RNF19A: variants seen among roughly 807,000 people sequenced by gnomAD.
RNF19A encodes E3 ubiquitin-protein ligase RNF19A.
In RNF19A, 32 loss-of-function variants were observed where a neutral mutation model predicts 75.7. The ratio of observed to expected loss-of-function variants is 0.42; its 90% CI spans 0.32 to 0.57. The LOEUF (loss-of-function observed/expected upper bound fraction) is 0.57, where lower values mean the gene tolerates loss of function less well. Among genes scored for constraint, RNF19A ranks in the 20% least tolerant of loss-of-function variants. The pLI is 0.10. For missense variants in RNF19A, 782 were observed against 1,036.3 expected, an observed-to-expected ratio of 0.75 and a Z score of 3.37; for synonymous variants, 335 against 345.2, an observed-to-expected ratio of 0.97 and a Z score of 0.33.
At chr8:100,299,274 T>C (rs1483707935) in intron 1 of RNF19A, among the ~76,000 whole-genome samples, 6 of 152,234 alleles carry the variant, frequency 3.9e-5, no homozygotes, top group Non-Finnish European at 7.3e-5. Context: ...AGTTTTAATA[T>C]ACAGAATACT....
At chr8:100,282,238 C>G (rs1486306716) in intron 2 of RNF19A, among the ~76,000 whole-genome samples, 1 of 152,134 alleles carries the variant, frequency 6.6e-6, no homozygotes, top group African/African-American at 2.4e-5. Flanking sequence ...TTTTTATTGA[C>G]TCATTAAAAC....
rs576880414 is a variant in RNF19A at position 100,285,802 on chromosome 8, A to AT, written c.674+1698dup. On this transcript the variant is annotated intron_variant, in intron 2 of 9. Transcript: ENST00000341084. ...AATGAGCCACCACGCCCAGTTGTAG[A>AT]TTTTTTTTAAGCTATTAAAAATTTA... Among the ~76,000 whole-genome samples, 192 of 151,820 alleles carry AT rather than the reference A, an allele frequency of 1.3e-3. 1 individual carries two copies. Among genetic ancestry groups the AT allele is most frequent in the African/African-American group, 4.3e-3 (176 of 41,370 alleles).
chr8:100,309,347 G>A, intron 1 of RNF19A: 1 of 985,802 alleles, frequency 1.0e-6, no homozygotes, highest in Non-Finnish European at 1.2e-6. Flanking sequence ...AGCACGGCTT[G>A]CGGGGCGATG....
chr8:100,266,275 T>C (rs1290877040), intron 5 of RNF19A, among the ~76,000 whole-genome samples: 2 of 152,212 alleles, frequency 1.3e-5, no homozygotes, highest in East Asian at 3.8e-4. Context: ...GGAAAACTAA[T>C]TCATTCATTT....
intron 1 of RNF19A, among the ~76,000 whole-genome samples, chr8:100,296,040 A>G (rs941571775): frequency 6.0e-4 from 90 of 150,232 alleles, no homozygotes; most frequent in African/African-American, 2.2e-3. Context: ...ATTCCCCAAC[A>G]TAACTACCAA....
intron 1 of RNF19A, among the ~76,000 whole-genome samples, chr8:100,297,399 C>T (rs1165014575): frequency 6.6e-6 from 1 of 152,184 alleles, no homozygotes. Context: ...GGGGAAAATA[C>T]TATTGTGGCA....
rs760533296 is a variant in RNF19A, at chr8:100,329,763, AAAG to A, written c.-243+6342_-243+6344del. 1.3e-5 allele frequency among the ~76,000 whole-genome samples: 2 copies of A among 152,248 alleles called. No individual in the cohort carries two copies. Among genetic ancestry groups the A allele is most frequent in the South Asian group, 4.1e-4 (2 of 4,834 alleles). On this transcript the variant is annotated intron_variant, in intron 1 of 3. Transcript: ENST00000519527. The surrounding 1 kb of genome is among the most constrained non-coding windows in gnomAD (Gnocchi z 4.3). Reference sequence around the variant, plus strand: ...CCAACACTTAAAGGATCGTCTGATGAAAGAAGAAGTAGCTTCATGGTTTGTTAA... The same window carrying A: ...CCAACACTTAAAGGATCGTCTGATGAAAGAAGTAGCTTCATGGTTTGTTAA...
In RNF19A at chr8:100,264,899, A is replaced by C. The variant is rs1488250043; in HGVS notation, c.1192-114T>G. The C allele has an allele frequency of 1.4e-6, 1 of 735,200 alleles. No individual in the cohort carries two copies. Among genetic ancestry groups the C allele is most frequent in the Non-Finnish European group, 2.3e-6 (1 of 432,202 alleles). 45.5% of individuals were successfully genotyped at this position (735,200 alleles called of 1,614,324 possible). ...GATTTTTCATAGAAGTTCGTAGCTG[A>C]GTATCTTAGTTCAAGGTAAACCTAC... is the stretch of plus-strand genomic sequence containing the variant. On this transcript the variant is annotated intron_variant, in intron 5 of 9. Coordinates refer to ENST00000341084, the MANE Select transcript of RNF19A (RefSeq NM_183419.4). This position sits in a 1 kb window ranked among gnomAD's most constrained non-coding sequence, Gnocchi z 4.7.
chr8:100,310,263 A>T (rs559478441), upstream of RNF19A: 1 of 984,222 alleles, frequency 1.0e-6, no homozygotes, highest in Non-Finnish European at 1.2e-6. Context: ...TCCCTTGCGC[A>T]CGTTCGTTCC....
At chr8:100,303,760 G>GTA (rs1821946908) in intron 1 of RNF19A, among the ~76,000 whole-genome samples, 1 of 104,774 alleles carries the variant, frequency 9.5e-6, no homozygotes, top group Admixed American at 9.5e-5. Context: ...CTCGCCGCTT[G>GTA]TAAAAAAAAA....
At chr8:100,328,266 C>T (rs1042964495) in intron 1 of RNF19A, among the ~76,000 whole-genome samples, 10 of 152,114 alleles carry the variant, frequency 6.6e-5, no homozygotes, top group South Asian at 2.1e-4. Context: ...CTTAGGACCT[C>T]GTGGCAGTGT....
chr8:100,262,674 A>T (rs1193451605), intron 7 of RNF19A, among the ~76,000 whole-genome samples: 1 of 152,200 alleles, frequency 6.6e-6, no homozygotes. Context: ...TTATAATCTG[A>T]CAGGGTTTAG....
upstream of RNF19A, among the ~76,000 whole-genome samples, chr8:100,311,751 A>AGATCAACAT (rs1412150710): frequency 1.7e-4 from 26 of 151,050 alleles, no homozygotes; most frequent in Non-Finnish European, 3.4e-4. Context: ...AAAAGAAAAT[A>AGATCAACAT]GATCAACATG....
chr8:100,272,427 T>C (rs1820302873), intron 3 of RNF19A, among the ~76,000 whole-genome samples: 1 of 152,132 alleles, frequency 6.6e-6, no homozygotes, highest in African/African-American at 2.4e-5. Context: ...TTTTTTAGAC[T>C]ATCATGATAC....
chr8:100,326,679 C>T (rs758924992), intron 1 of RNF19A, among the ~76,000 whole-genome samples: 2 of 152,204 alleles, frequency 1.3e-5, no homozygotes, highest in Non-Finnish European at 2.9e-5. Context: ...ATTTCCTTCC[C>T]ATGAGCTCTT....
chr8:100,325,467 C>T lies in RNF19A; in HGVS notation c.-243+10641G>A, dbSNP rs1822521648. Among the ~76,000 whole-genome samples the T allele has an allele frequency of 6.6e-6, 1 of 152,114 alleles. No homozygotes were observed. Among genetic ancestry groups the T allele is most frequent in the South Asian group, 2.1e-4 (1 of 4,818 alleles). On this transcript the variant is annotated intron_variant, in intron 1 of 3. Coordinates refer to the RNF19A transcript ENST00000519527. The surrounding 1 kb of genome is among the most constrained non-coding windows in gnomAD (Gnocchi z 4.3). ...ATCTCTGATGCTGGTGAGACCACAC[C>T]TTGTCACCTCTAGGTCCTCCCTTTT...
At chr8:100,296,924 G>C (rs1821591782) in intron 1 of RNF19A, among the ~76,000 whole-genome samples, 1 of 152,074 alleles carries the variant, frequency 6.6e-6, no homozygotes, top group African/African-American at 2.4e-5. Flanking sequence ...CATCACACAA[G>C]AATAAACATT....
Position 100,287,257 on chromosome 8 carries a change from T to C in RNF19A, c.674+244A>G, listed in dbSNP as rs1254938906. ...TTGTATACAACTAGATCCTGTACTC[T>C]ACCACCTTACCCTTTCCTTCTAAAA... On this transcript the variant is annotated intron_variant, in intron 2 of 9. Transcript: ENST00000341084. This position sits in a 1 kb window ranked among gnomAD's most constrained non-coding sequence, Gnocchi z 4.1. Among the ~76,000 whole-genome samples, 2 of 152,190 alleles carry C rather than the reference T, an allele frequency of 1.3e-5. No individual in the cohort carries two copies. Among genetic ancestry groups the C allele is most frequent in the South Asian group, 2.1e-4 (1 of 4,830 alleles).
Position 100,322,917 on chromosome 8 carries a change from T to G in RNF19A, c.-242-9545A>C, listed in dbSNP as rs1339773074. The stretch of plus-strand genomic sequence containing the variant: ...ATGGCACTTCAAAACAATTGCAATA[T>G]TAACATCAAAGATCACTGATTACAG... On this transcript the variant is annotated intron_variant, in intron 1 of 3. Transcript: ENST00000519527. This position sits in a 1 kb window ranked among gnomAD's most constrained non-coding sequence, Gnocchi z 5.1. Among the ~76,000 whole-genome samples the G allele has an allele frequency of 6.6e-6, 1 of 152,216 alleles. No homozygotes were observed. The highest frequency in any genetic ancestry group is 2.4e-5 in the African/African-American group (1 of 41,518).
Sources: allele counts gnomAD v4.1 joint callset (sites outside exome capture counted in the v4.1 genomes callset), GRCh38; gene constraint gnomAD v4.1.1; non-coding constraint Gnocchi (gnomAD v3.1); transcripts MANE v1.5; gene names NCBI Gene and HGNC (gene_info 2026-07-23, HGNC 2026-07-21).